HHAT: variants seen among roughly 807,000 people sequenced by gnomAD.
HHAT encodes hedgehog acyltransferase, also known as protein-cysteine N-palmitoyltransferase HHAT.
Under a neutral mutation model 70.8 loss-of-function variants are expected in HHAT, and 47 were observed. The ratio of observed to expected loss-of-function variants is 0.66; its 90% CI spans 0.53 to 0.85. HHAT has a LOEUF of 0.85. Ranked by LOEUF, HHAT falls within the 40% of genes least tolerant of loss-of-function variation. The pLI, the probability that HHAT is intolerant of heterozygous loss-of-function variation, is 0.00. For synonymous variants in HHAT, 228 were observed against 247.6 expected (o/e 0.92, Z 0.74); for missense variants, 609 against 604.8 (o/e 1.01, Z -0.07).
chr1:210,450,014 G>T (rs1487517923), intron 7 of HHAT, among the ~76,000 whole-genome samples: 1 of 152,146 alleles, frequency 6.6e-6, no homozygotes, highest in Non-Finnish European at 1.5e-5. Context: ...GAGAATATGG[G>T]CTTGGCGTGG....
intron 3 of HHAT, among the ~76,000 whole-genome samples, chr1:210,386,429 G>A (rs1443005287): frequency 7.3e-5 from 11 of 150,196 alleles, no homozygotes; most frequent in Non-Finnish European, 1.3e-4. Flanking sequence ...TAGTAGAGAC[G>A]GGGTTTCACC....
chr1:210,583,890 G>T (rs915066186), intron 9 of HHAT, among the ~76,000 whole-genome samples: 3 of 151,338 alleles, frequency 2.0e-5, no homozygotes, highest in Non-Finnish European at 1.5e-5. Context: ...AAGTACCATT[G>T]GTGTGGAGAA....
At chr1:210,339,681 C>T (rs2147934335) in intron 1 of HHAT, among the ~76,000 whole-genome samples, 1 of 152,306 alleles carries the variant, frequency 6.6e-6, no homozygotes, top group Admixed American at 6.5e-5. Flanking sequence ...ATGGCCCCCT[C>T]CAGCCCCAGT....
chr1:210,478,416 C>T (rs2094339152), intron 8 of HHAT, among the ~76,000 whole-genome samples: 1 of 152,136 alleles, frequency 6.6e-6, no homozygotes, highest in Non-Finnish European at 1.5e-5. Flanking sequence ...CAGCCCCTTT[C>T]CTGGTTTGAG....
At chr1:210,425,236 G>A (rs1015534727) in intron 7 of HHAT, among the ~76,000 whole-genome samples, 4 of 152,018 alleles carry the variant, frequency 2.6e-5, no homozygotes, top group African/African-American at 9.7e-5. Flanking sequence ...TCTTTGAGAT[G>A]CTAGACATTA....
At chr1:210,663,836 A>G (rs951861) in intron 11 of HHAT, among the ~76,000 whole-genome samples, 7,335 of 152,320 alleles carry the variant, frequency 0.048, 269 homozygotes, top group Non-Finnish European at 0.075. Context: ...CCTCCAGGTG[A>G]TTCTGATGCA....
At chr1:210,557,952 T>C (rs907182277) in intron 9 of HHAT, among the ~76,000 whole-genome samples, 1 of 152,186 alleles carries the variant, frequency 6.6e-6, no homozygotes, top group African/African-American at 2.4e-5. Context: ...TTTGGGCTCA[T>C]TTCCTAGAGG....
At chr1:210,673,150 C>G (rs1032433764) in intron 11 of HHAT, among the ~76,000 whole-genome samples, 3 of 152,162 alleles carry the variant, frequency 2.0e-5, no homozygotes, top group Non-Finnish European at 4.4e-5. Flanking sequence ...CCCTTTCCCT[C>G]TTGGCTGCTG....
chr1:210,529,304 CA>C (rs11341906), intron 9 of HHAT, among the ~76,000 whole-genome samples: 27,458 of 121,990 alleles, frequency 0.23, 3,146 homozygotes, highest in Middle Eastern at 0.34. Context: ...GACTTCATCT[CA>C]AAAAAAACAA....
chr1:210,638,742 A>G (rs895706076), intron 11 of HHAT, among the ~76,000 whole-genome samples: 1 of 147,776 alleles, frequency 6.8e-6, no homozygotes, highest in Non-Finnish European at 1.5e-5. Flanking sequence ...AAAAAAAAAA[A>G]AAAATTCTTT....
At position 210,587,944 on chromosome 1, in the gene HHAT, A is replaced by G; in HGVS notation, c.1090A>G (p.Thr364Ala). ...VGGSQHGLLG[T>A]LFSTAMTFAF... The stretch of plus-strand genomic sequence containing the variant: ...CGGGTCCCAGCATGGCCTGCTGGGG[A>G]CACTGTTTTCCACGGCGATGACATT... The change falls in exon 10 of 12, where the codon ACA becomes GCA. Residue 364 changes from threonine (T) to alanine (A), a missense_variant. By Grantham distance (58) the Thr-to-Ala change is moderately conservative. Transcript: ENST00000261458. 2 of 1,613,986 alleles carry G rather than the reference A, an allele frequency of 1.2e-6. No individual in the cohort carries two copies. Among genetic ancestry groups the G allele is most frequent in the South Asian group, 2.2e-5 (2 of 91,058 alleles).
intron 11 of HHAT, among the ~76,000 whole-genome samples, chr1:210,625,852 C>T (rs1279130797): frequency 6.6e-6 from 1 of 152,188 alleles, no homozygotes. Flanking sequence ...GAGACTGGTG[C>T]ACCAGGTGCT....
intron 8 of HHAT, among the ~76,000 whole-genome samples, chr1:210,499,142 G>A (rs576536094): frequency 6.6e-6 from 1 of 152,184 alleles, no homozygotes; most frequent in South Asian, 2.1e-4. Context: ...GTCCTGAGAA[G>A]ACCATCTGTA....
At chr1:210,359,901 G>A (rs1007286245) in intron 2 of HHAT, among the ~76,000 whole-genome samples, 15 of 151,998 alleles carry the variant, frequency 9.9e-5, no homozygotes, top group African/African-American at 3.6e-4. Context: ...CCGAATTTTT[G>A]GGAGACTGAT....
intron 9 of HHAT, among the ~76,000 whole-genome samples, chr1:210,532,141 A>G (rs2095321669): frequency 6.6e-6 from 1 of 152,218 alleles, no homozygotes; most frequent in Admixed American, 6.5e-5. Flanking sequence ...AGTGACATTT[A>G]TATGTGTTTA....
At chr1:210,616,888 C>T (rs779183065) in intron 10 of HHAT, among the ~76,000 whole-genome samples, 1 of 152,142 alleles carries the variant, frequency 6.6e-6, no homozygotes, top group African/African-American at 2.4e-5. Context: ...TTTTTTGCAT[C>T]ACAAGCTGTA....
chr1:210,493,815 A>G (rs975677419), intron 8 of HHAT, among the ~76,000 whole-genome samples: 1 of 152,176 alleles, frequency 6.6e-6, no homozygotes, highest in African/African-American at 2.4e-5. Flanking sequence ...CTGGTTCATT[A>G]CTTACCCATA....
chr1:210,668,820 C>G (rs1679473265), intron 11 of HHAT, among the ~76,000 whole-genome samples: 1 of 152,168 alleles, frequency 6.6e-6, no homozygotes, highest in Non-Finnish European at 1.5e-5. Context: ...GTCACCCAGG[C>G]TGGAGTGCAG....
intron 11 of HHAT, among the ~76,000 whole-genome samples, chr1:210,652,669 A>G (rs1238412429): frequency 6.6e-6 from 1 of 152,202 alleles, no homozygotes; most frequent in East Asian, 1.9e-4. Context: ...TCACTCGTGT[A>G]GATCTATAAG....
Sources: gnomAD v4.1 joint callset for allele counts (sites outside exome capture counted in the v4.1 genomes callset) on GRCh38, gnomAD v4.1.1 for gene constraint, MANE v1.5 for transcripts, NCBI Gene and HGNC (gene_info 2026-07-23, HGNC 2026-07-21) for gene names.